Variants in PIGN observed in about 807,000 individuals in gnomAD.
The protein encoded by PIGN is phosphatidylinositol glycan anchor biosynthesis class N.
In PIGN, 117 loss-of-function variants were observed where a neutral mutation model predicts 125.4. The observed-to-expected ratio is 0.93, with a 90% CI of 0.80 to 1.09. PIGN has a LOEUF of 1.09. Ranked by LOEUF, PIGN falls within the 50% of genes least tolerant of loss-of-function variation. PIGN has a pLI of 0.00. For synonymous variants in PIGN, 392 were observed against 377.8 expected (o/e 1.04, Z -0.44); for missense variants, 1,075 against 1,094.9 (o/e 0.98, Z 0.26).
chr18:62,120,062 T>C (rs1377616766), intron 14 of PIGN, among the ~76,000 whole-genome samples: 1 of 152,042 alleles, frequency 6.6e-6, no homozygotes, highest in Non-Finnish European at 1.5e-5. Flanking sequence ...CCAAGAACTT[T>C]ACAAAACTAA....
In PIGN at chr18:62,161,194, G is replaced by GT; in HGVS notation, c.159_160insA (p.Leu54ThrfsTer11). On this transcript the variant is annotated frameshift_variant, in exon 4 of 31. Transcript: ENST00000640252. LOFTEE classifies it high-confidence loss of function. ...AATTCGTAAAGTGCATCTGCTCGAA[G>GT]GCCATCAGCAACAAACAACACTAAT... The GT allele has an allele frequency of 3.7e-6, 6 of 1,613,902 alleles. No homozygotes were observed. Among genetic ancestry groups the GT allele is most frequent in the Non-Finnish European group, 5.1e-6 (6 of 1,179,830 alleles).
At chr18:62,142,422 G>A (rs1482919195) in intron 11 of PIGN, among the ~76,000 whole-genome samples, 1 of 150,044 alleles carries the variant, frequency 6.7e-6, no homozygotes, top group Non-Finnish European at 1.5e-5. Context: ...TGATCTTCAA[G>A]TCATTCCCGT....
At chr18:62,066,767 CATA>C (rs1352472935) in intron 30 of PIGN, among the ~76,000 whole-genome samples, 1 of 152,206 alleles carries the variant, frequency 6.6e-6, no homozygotes, top group Non-Finnish European at 1.5e-5. Flanking sequence ...TTGGGCCCCA[CATA>C]ATGCCTTCAA....
At position 62,139,177 on chromosome 18, in the gene PIGN, C is replaced by A. The variant is rs974054991; in HGVS notation, c.1024-102G>T. Reference sequence around the variant, plus strand: ...AAGCAATAAAGATAAGGCATATGGACAAATAAATAATTGAAATAGTTAAAT... The same window carrying A: ...AAGCAATAAAGATAAGGCATATGGAAAAATAAATAATTGAAATAGTTAAAT... On this transcript the variant is annotated intron_variant, in intron 12 of 30. Coordinates refer to ENST00000640252, the MANE Select transcript of PIGN (RefSeq NM_176787.5). The A allele has an allele frequency of 1.4e-5, 8 of 557,708 alleles. No individual in the cohort carries two copies. The Admixed American group carries it at 1.6e-4, about 11-fold the overall frequency. The allele number at this position is 557,708 out of a possible 1,614,324, so 34.5% of individuals were successfully genotyped here. A position where few individuals can be genotyped will look rare whatever the true frequency, so the allele number is the denominator to read the frequency against.
chr18:62,070,152 C>T (rs148047450), intron 30 of PIGN: 91 of 359,444 alleles, frequency 2.5e-4, no homozygotes, highest in African/African-American at 1.5e-3. Flanking sequence ...ACAAGAGAAA[C>T]GGGGGGCTTA....
At chr18:62,086,417 G>A (rs2033704276) in intron 25 of PIGN, among the ~76,000 whole-genome samples, 1 of 152,262 alleles carries the variant, frequency 6.6e-6, no homozygotes, top group Admixed American at 6.5e-5. Flanking sequence ...AAGAGATCAA[G>A]ACCATCCTGG....
At chr18:62,150,095 C>G (rs964768626) in intron 7 of PIGN, among the ~76,000 whole-genome samples, 5 of 152,080 alleles carry the variant, frequency 3.3e-5, no homozygotes, top group African/African-American at 1.2e-4. Context: ...GATTCTCTTG[C>G]CTCAGCCTCC....
intron 28 of PIGN, chr18:62,075,349 T>C (rs2033115853): frequency 6.6e-6 from 1 of 152,224 alleles, no homozygotes; most frequent in Admixed American, 6.5e-5. Context: ...CACTAATCTG[T>C]CCCCCATTTC....
Position 62,138,445 on chromosome 18 carries a change from A to G in PIGN, c.1117-147T>C, listed in dbSNP as rs1425549054. The G allele has an allele frequency of 5.8e-6, 7 of 1,211,304 alleles. No homozygotes were observed. The Admixed American group carries it at 1.7e-4, about 29-fold the overall frequency. The allele number at this position is 1,211,304 out of a possible 1,614,324, so 75.0% of individuals were successfully genotyped here. On this transcript the variant is annotated intron_variant, in intron 13 of 30. Transcript: ENST00000640252. Reference sequence around the variant, plus strand: ...TATGTTACTATATTGTTTCATAAATATTTAAAGAAAAATTTAACATTTTCT... The same window carrying G: ...TATGTTACTATATTGTTTCATAAATGTTTAAAGAAAAATTTAACATTTTCT...
rs144560575 is a variant in PIGN at position 62,077,150 on chromosome 18, G to C, written c.2577-2329C>G. Among the ~76,000 whole-genome samples, 1,469 of 152,288 alleles carry C rather than the reference G, an allele frequency of 9.6e-3. 47 individuals carry two copies. Among genetic ancestry groups the C allele is most frequent in the East Asian group, 0.069 (358 of 5,186 alleles). ...CCCAGCACTTTAGGAGGCCGAGGTG[G>C]GTGAATTGCTTGAGGCCAGGAGTTC... On this transcript the variant is annotated intron_variant, in intron 28 of 30. Transcript: ENST00000640252.
chr18:62,138,912 C>T (rs181036394), intron 13 of PIGN, 71 bp downstream of exon 13: 5 of 739,664 alleles, frequency 6.8e-6, no homozygotes, highest in Admixed American at 2.8e-5. Flanking sequence ...AATATTTTCC[C>T]TAAATATATT....
chr18:62,047,611 C>T (rs752384590), intron 30 of PIGN, among the ~76,000 whole-genome samples: 5 of 152,142 alleles, frequency 3.3e-5, no homozygotes, highest in South Asian at 2.1e-4. Flanking sequence ...AGCTCCCTCT[C>T]GGGTGCCAAT....
At chr18:62,178,603 A>G (rs2147942170) in intron 1 of PIGN, among the ~76,000 whole-genome samples, 1 of 150,590 alleles carries the variant, frequency 6.6e-6, no homozygotes, top group East Asian at 1.9e-4. Context: ...ACCCACTTAA[A>G]AAAAAAAAAA....
chr18:62,171,810 C>T (rs536388822), intron 1 of PIGN, among the ~76,000 whole-genome samples: 8 of 152,230 alleles, frequency 5.3e-5, no homozygotes, highest in South Asian at 2.1e-4. Flanking sequence ...ATCTTACATT[C>T]CCAGAATAAA....
chr18:62,062,628 A>G (rs761759326), intron 30 of PIGN, among the ~76,000 whole-genome samples: 2 of 152,182 alleles, frequency 1.3e-5, no homozygotes, highest in African/African-American at 2.4e-5. Flanking sequence ...CTGTATATTC[A>G]GGGCAGCTCC....
chr18:62,084,726 C>T (rs2033610662), intron 26 of PIGN, 120 bp from the exon 27 acceptor site: 2 of 719,900 alleles, frequency 2.8e-6, no homozygotes, highest in Admixed American at 2.3e-5. Context: ...CACAAGCAAA[C>T]ATCATATTAT....
rs1250542028 is a variant in PIGN, at chr18:62,157,166, G to A, written c.405C>T (p.Ser135=). 3 of 1,609,054 alleles carry A rather than the reference G, an allele frequency of 1.9e-6. No individual in the cohort carries two copies. The highest frequency in any genetic ancestry group is 2.7e-5 in the African/African-American group (2 of 74,814). Reference sequence around the variant, plus strand: ...TAGGCAGGATATCTGGGCTTCCCCAGCTCCATGTGTATTTACTTTCATTAA... The same window carrying A: ...TAGGCAGGATATCTGGGCTTCCCCAACTCCATGTGTATTTACTTTCATTAA... ...SLFNESKYTW[S]WGSPDILPMF... Residue 135 remains serine (S), a synonymous_variant, in exon 6 of 31, where the codon AGC becomes AGT. Transcript: ENST00000640252.
At position 62,157,712 on chromosome 18, in the gene PIGN, A is replaced by C. The variant is rs1187534095; in HGVS notation, c.318T>G (p.Tyr106Ter). Residue 106 changes from tyrosine (Y) to a stop codon, truncating the protein, a stop_gained, in exon 5 of 31, where the codon TAT (tyrosine) becomes TAG (stop). Coordinates refer to ENST00000640252, the MANE Select transcript of PIGN (RefSeq NM_176787.5). LOFTEE classifies it high-confidence loss of function. ...PGHVALIAGF[Y>*]EDVSAVAKGW... ...CTTTGGCAACTGCACTGACATCTTC[A>C]TAAAACCCAGCTATCAGAGCTACAT... The C allele has an allele frequency of 1.2e-6, 2 of 1,612,004 alleles. No individual in the cohort carries two copies. The highest frequency in any genetic ancestry group is 1.7e-6 in the Non-Finnish European group (2 of 1,178,908).
At chr18:62,064,458 T>C (rs2032385208) in intron 30 of PIGN, among the ~76,000 whole-genome samples, 1 of 152,246 alleles carries the variant, frequency 6.6e-6, no homozygotes, top group African/African-American at 2.4e-5. Context: ...CTGGGAATGC[T>C]TTATGTATGG....
Sources: gnomAD v4.1 joint callset for allele counts (sites outside exome capture counted in the v4.1 genomes callset) on GRCh38, gnomAD v4.1.1 for gene constraint, MANE v1.5 for transcripts, NCBI Gene and HGNC (gene_info 2026-07-23, HGNC 2026-07-21) for gene names.